Variants in DUOX2 observed in about 807,000 individuals in gnomAD.
DUOX2 encodes NADH/NADPH thyroid oxidase p138-tox.
DUOX2 carries 185 observed loss-of-function variants against 183.3 expected under a neutral mutation model. The ratio of observed to expected loss-of-function variants is 1.01; its 90% CI spans 0.90 to 1.14. DUOX2 has a LOEUF of 1.14. DUOX2 is among the 50% of genes most tolerant of loss of function. The probability of loss-of-function intolerance (pLI) is 0.00; values close to 1 mark genes in which losing one functional copy is unlikely to be tolerated. For synonymous variants in DUOX2, 788 were observed against 812.4 expected, an observed-to-expected ratio of 0.97 and a Z score of 0.51; for missense variants, 1,999 against 2,022.9, an observed-to-expected ratio of 0.99 and a Z score of 0.23.
At chr15:45,108,521 A>G in intron 12 of DUOX2, 2 of 603,126 alleles carry the variant, frequency 3.3e-6, no homozygotes, top group South Asian at 2.0e-5. Context: ...GGGACCCTGC[A>G]GCAACAGGAC....
chr15:45,108,260 T>G (rs1383533716), intron 12 of DUOX2, 38 bp from the exon 13 acceptor site: 1 of 1,611,620 alleles, frequency 6.2e-7, no homozygotes, highest in South Asian at 1.1e-5. Context: ...AGCGTATGTT[T>G]GCTGCGGAGG....
Position 45,101,958 on chromosome 15 carries a change from A to G in DUOX2, c.2686T>C (p.Ser896Pro), listed in dbSNP as rs756164253. The G allele has an allele frequency of 1.2e-6, 2 of 1,614,218 alleles. No homozygotes were observed. The highest frequency in any genetic ancestry group is 4.5e-5 in the East Asian group (2 of 44,884). Residue 896 changes from serine (S) to proline (P), a missense_variant, in exon 21 of 34, where the codon TCC becomes CCC. Physicochemically the swap from Ser to Pro is moderately conservative, Grantham distance 74. Around this residue, in one of 3 missense-constraint regions of DUOX2, gnomAD observed 1,628 missense variants for 1,608.6 expected, o/e 1.01. Coordinates refer to ENST00000389039, the MANE Select transcript of DUOX2 (RefSeq NM_001363711.2). ...SFIEISNNCL[S>P]KAQLAEVVES... Reference sequence around the variant, plus strand: ...ACCACCTCGGCCAGCTGGGCCTTGGACAGGCAGTTGTTGGAGATCTCGATG... The same window carrying G: ...ACCACCTCGGCCAGCTGGGCCTTGGGCAGGCAGTTGTTGGAGATCTCGATG...
intron 17 of DUOX2, 40 bp downstream of exon 17, chr15:45,106,085 G>T (rs1000091464): frequency 1.9e-6 from 3 of 1,610,200 alleles, no homozygotes; most frequent in African/African-American, 2.7e-5. Flanking sequence ...ATGGAGTCGT[G>T]TGAGGGCAGC....
rs1389717655 is a variant in DUOX2, at chr15:45,103,968, G to A, written c.2646C>T (p.Thr882=). The stretch of plus-strand genomic sequence containing the variant: ...AAAGGCACACCCCATACCGCATCAT[G>A]GTGAAGAATTCGTCCTTGGAGAGGA... ...NGFLSKDEFF[T]MMRSFIEISN... Residue 882 remains threonine (T), a synonymous_variant, in exon 20 of 34, where the codon ACC becomes ACT. Coordinates refer to ENST00000389039, the MANE Select transcript of DUOX2 (RefSeq NM_001363711.2). 8 of 1,614,022 alleles carry A rather than the reference G, an allele frequency of 5.0e-6. No individual in the cohort carries two copies. The highest frequency in any genetic ancestry group is 2.2e-5 in the East Asian group (1 of 44,886).
At chr15:45,095,181 G>T in intron 31 of DUOX2, 90 bp from the exon 32 acceptor site, 1 of 1,519,110 alleles carries the variant, frequency 6.6e-7, no homozygotes, top group South Asian at 1.3e-5. Context: ...GGAAGCCCCA[G>T]ACCACCTGCA....
rs1052229324 is a variant in DUOX2, at chr15:45,114,168, A to G, written c.-210T>C. The G allele has an allele frequency of 1.9e-5, 6 of 310,750 alleles. No individual in the cohort carries two copies. Among genetic ancestry groups the G allele is most frequent in the Admixed American group, 4.5e-5 (1 of 22,278 alleles). The allele number at this position is 310,750 out of a possible 1,614,324, so 19.2% of individuals were successfully genotyped here. On this transcript the variant is annotated 5_prime_UTR_variant, in exon 1 of 34. Transcript: ENST00000389039. ...TGTCGGCTCAGGACAGACCTGCGCCAGTGTGAGCATCTGGACCTAGGGCTC... is the reference window on the plus strand; with the variant it reads ...TGTCGGCTCAGGACAGACCTGCGCCGGTGTGAGCATCTGGACCTAGGGCTC...
At chr15:45,095,672 G>A (rs1483393426) in intron 30 of DUOX2, 77 bp from the exon 31 acceptor site, 2 of 1,603,584 alleles carry the variant, frequency 1.2e-6, no homozygotes, top group East Asian at 2.2e-5. Context: ...CACAGGCAGA[G>A]GGAGGATACA....
At chr15:45,107,695 A>T (rs953776386) in intron 13 of DUOX2, among the ~76,000 whole-genome samples, 27 of 151,892 alleles carry the variant, frequency 1.8e-4, no homozygotes, top group East Asian at 5.8e-4. Flanking sequence ...AATATTTTTT[A>T]AAAAAATTAG....
chr15:45,110,197 C>T (rs1894342894), intron 9 of DUOX2, among the ~76,000 whole-genome samples: 1 of 152,132 alleles, frequency 6.6e-6, no homozygotes, highest in South Asian at 2.1e-4. Context: ...AATGACCCAG[C>T]TGCTAGACAA....
chr15:45,097,193 T>G (rs1489627701), intron 29 of DUOX2, 45 bp downstream of exon 29: 2 of 1,613,154 alleles, frequency 1.2e-6, no homozygotes, highest in South Asian at 2.2e-5. Flanking sequence ...TGTCTGAAGA[T>G]TTGGCCTCTG....
In DUOX2 at chr15:45,109,714, G is replaced by A. The variant is rs1322993114; in HGVS notation, c.1132-88C>T. On this transcript the variant is annotated intron_variant, in intron 10 of 33. Transcript: ENST00000389039. ...ACCACTTTAGTACCCCAGGACAAAG[G>A]GCCCTTGGCCAGTCCCAGACTCTCT... 5 of 1,427,496 alleles carry A rather than the reference G, an allele frequency of 3.5e-6. No individual in the cohort carries two copies. In the Admixed American group the frequency reaches 8.6e-5, roughly 25 times the overall value. The allele number at this position is 1,427,496 out of a possible 1,614,324, so 88.4% of individuals were successfully genotyped here. A position where few individuals can be genotyped will look rare whatever the true frequency, so the allele number is the denominator to read the frequency against.
intron 2 of DUOX2, 122 bp downstream of exon 2, chr15:45,113,220 C>T: frequency 2.1e-6 from 3 of 1,453,148 alleles, no homozygotes; most frequent in African/African-American, 1.4e-5. Flanking sequence ...AGTTTCCCAT[C>T]CCGCTGAGCT....
Position 45,111,867 on chromosome 15 carries a change from G to A in DUOX2, c.414C>T (p.Pro138=), listed in dbSNP as rs757849047. Residue 138 remains proline (P), a synonymous_variant, in exon 5 of 34, where the codon CCC becomes CCT. Coordinates refer to ENST00000389039, the MANE Select transcript of DUOX2 (RefSeq NM_001363711.2). The part of the protein sequence containing the change: ...FLNIRIPPGD[P]VFDPDQRGDV... ...CCCCGCGCTGGTCGGGGTCGAACAC[G>A]GGGTCTCCAGGTGGGATGCGGATGT... 133 of 1,613,650 alleles carry A rather than the reference G, an allele frequency of 8.2e-5. No homozygotes were observed. The highest frequency in any genetic ancestry group is 1.1e-4 in the Non-Finnish European group (126 of 1,180,006).
Position 45,099,378 on chromosome 15 carries a change from C to G in DUOX2, c.3515+5G>C. 1 of 1,613,218 alleles carries G rather than the reference C, an allele frequency of 6.2e-7. No individual in the cohort carries two copies. Among genetic ancestry groups the G allele is most frequent in the Non-Finnish European group, 8.5e-7 (1 of 1,179,212 alleles). On this transcript the variant is annotated splice_donor_5th_base_variant and intron_variant, in intron 26 of 33. Transcript: ENST00000389039. ...GTCCCAGGAGAAACCATCCCCAGAA[C>G]TGACCCATCATTCACAAAGACGTTG...
chr15:45,101,291 G>A lies in DUOX2; in HGVS notation c.2852-17C>T. ...CTCTAATACCTAGAGAAAAGAACAAGAGGCAGGACTGGCTTCCCCACAAGG... is the reference window on the plus strand; with the variant it reads ...CTCTAATACCTAGAGAAAAGAACAAAAGGCAGGACTGGCTTCCCCACAAGG... On this transcript the variant is annotated splice_polypyrimidine_tract_variant and intron_variant, in intron 21 of 33. Transcript: ENST00000389039. The A allele has an allele frequency of 6.2e-7, 1 of 1,609,878 alleles. No individual in the cohort carries two copies. Among genetic ancestry groups the A allele is most frequent in the Non-Finnish European group, 8.5e-7 (1 of 1,177,446 alleles).
At position 45,107,372 on chromosome 15, in the gene DUOX2, G is replaced by T; in HGVS notation, c.1666C>A (p.Gln556Lys). 6.2e-7 allele frequency: 1 copy of T among 1,614,262 alleles called. No homozygotes were observed. The highest frequency in any genetic ancestry group is 2.2e-5 in the East Asian group (1 of 44,882). The change falls in exon 14 of 34, where the codon CAG becomes AAG. Residue 556 changes from glutamine (Q) to lysine (K), a missense_variant. Around this residue, in one of 3 missense-constraint regions of DUOX2, gnomAD observed 1,628 missense variants for 1,608.6 expected, o/e 1.01. Transcript: ENST00000389039. ...AVINIDPSAL[Q>K]PNVFVWHKGA... ...TTATGCCAGACAAAGACATTGGGCT[G>T]CAGGGCACTGGGGTCAATGTTGATA...
intron 22 of DUOX2, 26 bp downstream of exon 22, chr15:45,101,179 C>A: frequency 6.2e-7 from 1 of 1,610,306 alleles, no homozygotes; most frequent in Non-Finnish European, 8.5e-7. Context: ...GCCAGGCCAA[C>A]CTGCCAGAGC....
rs752395045 is a variant in DUOX2 at position 45,094,151 on chromosome 15, C to G, written c.4646G>C (p.Ter1549SerextTer140). The part of the protein sequence containing the change: ...AHFMHHYENF[*>S] ...AAGCAGCAGCCAGGGAGGACAGGCT[C>G]AGAAGTTCTCATAGTGGTGCATGAA... Residue 1549 changes from the stop codon to serine (S), a stop_lost, in exon 34 of 34, where the codon TGA (stop) becomes TCA (serine). Transcript: ENST00000389039. 1.2e-6 allele frequency: 2 copies of G among 1,614,140 alleles called. No individual in the cohort carries two copies. The highest frequency in any genetic ancestry group is 1.7e-6 in the Non-Finnish European group (2 of 1,180,024).
chr15:45,105,877 T>A, intron 17 of DUOX2, 49 bp from the exon 18 acceptor site: 1 of 1,607,512 alleles, frequency 6.2e-7, no homozygotes. Context: ...CTGGACCTTC[T>A]GCTTCAGCCT....
Sources: gnomAD v4.1 joint callset for allele counts (sites outside exome capture counted in the v4.1 genomes callset) on GRCh38, gnomAD v4.1.1 for gene constraint, gnomAD v4.1.1 regional missense constraint, MANE v1.5 for transcripts, NCBI Gene and HGNC (gene_info 2026-07-23, HGNC 2026-07-21) for gene names.